The following XKR6 variants were observed in gnomAD, a reference collection of about 807,000 sequenced individuals.
XKR6 encodes the protein XK related 6.
A neutral mutation model predicts 56.7 loss-of-function variants in XKR6; 22 were observed. That is an observed-to-expected ratio of 0.39 (90% CI 0.28 to 0.55). The LOEUF (loss-of-function observed/expected upper bound fraction) is 0.55. XKR6 is among the 20% of genes least tolerant of loss of function. XKR6 has a pLI of 0.66. For missense variants in XKR6, 852 were observed against 889.0 expected (o/e 0.96, Z 0.53); for synonymous variants, 524 against 387.8 (o/e 1.35, Z -4.13).
intron 1 of XKR6, among the ~76,000 whole-genome samples, chr8:11,103,074 G>A (rs923599265): frequency 6.6e-6 from 1 of 152,170 alleles, no homozygotes; most frequent in Non-Finnish European, 1.5e-5. Context: ...TAACACTAGT[G>A]TAAGATGGAG....
At chr8:11,107,148 T>C (rs1798709166) in intron 1 of XKR6, among the ~76,000 whole-genome samples, 1 of 151,800 alleles carries the variant, frequency 6.6e-6, no homozygotes, top group African/African-American at 2.4e-5. Flanking sequence ...GGAACTGTAC[T>C]ATGATTACTT....
chr8:11,074,828 G>C (rs1800227473), intron 1 of XKR6, among the ~76,000 whole-genome samples: 1 of 152,218 alleles, frequency 6.6e-6, no homozygotes, highest in Non-Finnish European at 1.5e-5. Flanking sequence ...TCTCATGCTG[G>C]AGCATCTGTG....
At chr8:10,969,795 A>G (rs761873196) in intron 1 of XKR6, among the ~76,000 whole-genome samples, 1 of 152,220 alleles carries the variant, frequency 6.6e-6, no homozygotes, top group Non-Finnish European at 1.5e-5. Context: ...ATATGGAAGA[A>G]GCTGATGTCC....
intron 1 of XKR6, among the ~76,000 whole-genome samples, chr8:10,961,571 ACTAT>A (rs960900954): frequency 1.3e-5 from 2 of 152,224 alleles, no homozygotes; most frequent in African/African-American, 4.8e-5. Flanking sequence ...GAAATTCAGG[ACTAT>A]CTTTTTGGGC....
chr8:11,094,957 T>C (rs190482413), intron 1 of XKR6, among the ~76,000 whole-genome samples: 13 of 152,302 alleles, frequency 8.5e-5, no homozygotes, highest in African/African-American at 2.9e-4. Flanking sequence ...GGTGATGGGA[T>C]GCTCTGTGAA....
intron 1 of XKR6, among the ~76,000 whole-genome samples, chr8:11,019,956 G>T (rs1049601566): frequency 6.6e-6 from 1 of 152,132 alleles, no homozygotes; most frequent in African/African-American, 2.4e-5. Context: ...TGGAGGAACC[G>T]CCACTGATAA....
intron 1 of XKR6, among the ~76,000 whole-genome samples, chr8:11,097,227 A>G (rs574609452): frequency 2.4e-4 from 36 of 152,338 alleles, no homozygotes; most frequent in African/African-American, 8.7e-4. Context: ...AAGTGATAAT[A>G]AAAGTATTTG....
intron 1 of XKR6, among the ~76,000 whole-genome samples, chr8:10,950,695 C>T (rs186709798): frequency 5.3e-4 from 80 of 152,296 alleles, no homozygotes; most frequent in African/African-American, 1.9e-3. Flanking sequence ...CAACACATTC[C>T]GAAAAGAACT....
At chr8:10,996,361 G>A (rs143120452) in intron 1 of XKR6, among the ~76,000 whole-genome samples, 297 of 152,240 alleles carry the variant, frequency 2.0e-3, no homozygotes, top group African/African-American at 7.0e-3. Flanking sequence ...ACAATATCTT[G>A]TTACTGCTCC....
At chr8:11,031,208 G>C (rs1005214391) in intron 1 of XKR6, among the ~76,000 whole-genome samples, 1 of 152,238 alleles carries the variant, frequency 6.6e-6, no homozygotes, top group Non-Finnish European at 1.5e-5. Flanking sequence ...CTTAGATAAA[G>C]AGCGAGAGCA....
intron 1 of XKR6, among the ~76,000 whole-genome samples, chr8:11,096,814 G>A (rs1310442992): frequency 6.6e-6 from 1 of 152,180 alleles, no homozygotes; most frequent in African/African-American, 2.4e-5. Flanking sequence ...GTTTTTAGCT[G>A]TTTTTCAACA....
chr8:11,189,551 C>G (rs928590294), intron 1 of XKR6, among the ~76,000 whole-genome samples: 4 of 152,154 alleles, frequency 2.6e-5, no homozygotes, highest in African/African-American at 9.7e-5. Flanking sequence ...CTTCTTTTAT[C>G]CATTCCGCCC....
intron 1 of XKR6, among the ~76,000 whole-genome samples, chr8:10,977,596 G>A (rs996987163): frequency 6.7e-6 from 1 of 149,576 alleles, no homozygotes; most frequent in South Asian, 2.3e-4. Context: ...AGCTGAGGCT[G>A]GGCACCCCGA....
At chr8:10,954,890 CAG>C (rs1801835228) in intron 1 of XKR6, among the ~76,000 whole-genome samples, 1 of 42,294 alleles carries the variant, frequency 2.4e-5, no homozygotes, top group Non-Finnish European at 4.5e-5. Context: ...TTTTTTTAGA[CAG>C]AGTTTCACTC....
Position 10,945,274 on chromosome 8 carries a change from G to A in XKR6, c.765-20444C>T, listed in dbSNP as rs116484017. ...CAAGGCAGGCGGATCACACGAGGTCGGGAGTTCGACACCAGCCTGGTCAAC... is the reference window on the plus strand; with the variant it reads ...CAAGGCAGGCGGATCACACGAGGTCAGGAGTTCGACACCAGCCTGGTCAAC... On this transcript the variant is annotated intron_variant, in intron 1 of 2. Transcript: ENST00000416569. Among the ~76,000 whole-genome samples, 519 of 152,248 alleles carry A rather than the reference G, an allele frequency of 3.4e-3. 7 individuals carry two copies. Among genetic ancestry groups the A allele is most frequent in the African/African-American group, 0.012 (489 of 41,540 alleles).
intron 1 of XKR6, among the ~76,000 whole-genome samples, chr8:11,016,934 A>T (rs1372308742): frequency 6.6e-6 from 1 of 152,212 alleles, no homozygotes; most frequent in African/African-American, 2.4e-5. Flanking sequence ...AGATAGACAG[A>T]CAGGTTAGAG....
intron 1 of XKR6, among the ~76,000 whole-genome samples, chr8:11,044,295 CT>C (rs1374843533): frequency 6.6e-6 from 1 of 152,234 alleles, no homozygotes; most frequent in Non-Finnish European, 1.5e-5. Context: ...TGTTTGCTTA[CT>C]ATGCGTGCAT....
intron 1 of XKR6, among the ~76,000 whole-genome samples, chr8:11,138,982 A>G (rs1053373731): frequency 9.9e-5 from 15 of 152,098 alleles, no homozygotes; most frequent in Non-Finnish European, 2.1e-4. Flanking sequence ...ATTCACTAAT[A>G]TATAGTTAGC....
intron 1 of XKR6, among the ~76,000 whole-genome samples, chr8:11,000,398 A>G (rs1798210807): frequency 6.6e-6 from 1 of 152,194 alleles, no homozygotes; most frequent in South Asian, 2.1e-4. Context: ...CAGTAGACAC[A>G]TATTAGGCCA....
Sources: allele counts gnomAD v4.1 joint callset (sites outside exome capture counted in the v4.1 genomes callset), GRCh38; gene constraint gnomAD v4.1.1; transcripts MANE v1.5; gene names NCBI Gene and HGNC (gene_info 2026-07-23, HGNC 2026-07-21).